SPX: variants seen among roughly 807,000 people sequenced by gnomAD.
The protein encoded by SPX is spexin.
Under a neutral mutation model 19.2 loss-of-function variants are expected in SPX, and 22 were observed. The ratio of observed to expected loss-of-function variants is 1.15; its 90% CI spans 0.82 to 1.64. The LOEUF is 1.64. Among genes scored for constraint, SPX ranks in the 40% most tolerant of loss-of-function variants. The pLI is 0.00. For synonymous variants in SPX, 50 were observed against 53.3 expected, an observed-to-expected ratio of 0.94 and a Z score of 0.27; for missense variants, 143 against 137.7, an observed-to-expected ratio of 1.04 and a Z score of -0.19.
intron 3 of SPX, 45 bp from the exon 4 acceptor site, chr12:21,527,682 G>T: frequency 6.5e-7 from 1 of 1,544,858 alleles, no homozygotes. Flanking sequence ...AGCCCGGGTT[G>T]TCCCGGGCCA....
chr12:21,527,222 A>G (rs978367900), intron 3 of SPX, 30 bp downstream of exon 3: 1 of 1,595,146 alleles, frequency 6.3e-7, no homozygotes. Context: ...CTCTTCCTAC[A>G]ATAATGGAAG....
At position 21,532,865 on chromosome 12, in the gene SPX, G is replaced by C. The variant is rs759590352; in HGVS notation, c.*1670G>C. The stretch of plus-strand genomic sequence containing the variant: ...AATGATCAATAGCTGTTAAAATATA[G>C]CTCCAAGTATTCTAAGTACTCAAAT... On this transcript the variant is annotated 3_prime_UTR_variant, in exon 6 of 6. Transcript: ENST00000256969. The C allele has an allele frequency of 2.0e-5, 3 of 152,156 alleles. No individual in the cohort carries two copies. The highest frequency in any genetic ancestry group is 2.9e-5 in the Non-Finnish European group (2 of 68,020). 9.4% of individuals were successfully genotyped at this position (152,156 alleles called of 1,614,324 possible). A position where few individuals can be genotyped will look rare whatever the true frequency, so the allele number is the denominator to read the frequency against.
At chr12:21,526,534 T>G in intron 1 of SPX, 56 bp downstream of exon 1, 1 of 1,501,978 alleles carries the variant, frequency 6.7e-7, no homozygotes, top group East Asian at 2.3e-5. Context: ...AAACGTTTTA[T>G]AGCATTTTAC....
rs140667463 is a variant in SPX, at chr12:21,527,173, G to A, written c.126G>A (p.Met42Ile). Reference sequence around the variant, plus strand: ...GAAGGAACTGGACTCCTCAAGCTATGCTCTACCTGAAAGGGGCACGTAAGT... The same window carrying A: ...GAAGGAACTGGACTCCTCAAGCTATACTCTACCTGAAAGGGGCACGTAAGT... ...LERRNWTPQA[M>I]LYLKGAQGRR... Residue 42 changes from methionine to isoleucine, a missense_variant, in exon 3 of 6, where the codon ATG (methionine) becomes ATA (isoleucine). Physicochemically the swap from Met to Ile is conservative, Grantham distance 10. Coordinates refer to ENST00000256969, the MANE Select transcript of SPX (RefSeq NM_030572.4). The A allele has an allele frequency of 3.7e-6, 6 of 1,613,832 alleles. No homozygotes were observed. Among genetic ancestry groups the A allele is most frequent in the African/African-American group, 1.3e-5 (1 of 74,888 alleles).
rs932737640 is a variant in SPX at position 21,531,859 on chromosome 12, A to G, written c.*664A>G. On this transcript the variant is annotated 3_prime_UTR_variant, in exon 6 of 6. Coordinates refer to ENST00000256969, the MANE Select transcript of SPX (RefSeq NM_030572.4). ...ATTACCTTGCATTCAGTTTAGAAACATGGATCTAAAAGTTACTGGGAAATA... is the reference window on the plus strand; with the variant it reads ...ATTACCTTGCATTCAGTTTAGAAACGTGGATCTAAAAGTTACTGGGAAATA... The G allele has an allele frequency of 9.9e-5, 15 of 152,212 alleles. No individual in the cohort carries two copies. Among genetic ancestry groups the G allele is most frequent in the Non-Finnish European group, 1.6e-4 (11 of 68,044 alleles). The allele number at this position is 152,212 out of a possible 1,614,324, so 9.4% of individuals were successfully genotyped here. A position where few individuals can be genotyped will look rare whatever the true frequency, so the allele number is the denominator to read the frequency against.
chr12:21,530,514 C>A (rs950116075), intron 5 of SPX, among the ~76,000 whole-genome samples: 1 of 152,162 alleles, frequency 6.6e-6, no homozygotes, highest in Non-Finnish European at 1.5e-5. Flanking sequence ...CACTGCTTCT[C>A]CCTACCGTAT....
rs1170966242 is a variant in SPX, at chr12:21,531,764, G to A, written c.*569G>A. 2 of 152,206 alleles carry A rather than the reference G, an allele frequency of 1.3e-5. No homozygotes were observed. Among genetic ancestry groups the A allele is most frequent in the African/African-American group, 4.8e-5 (2 of 41,458 alleles). 9.4% of individuals were successfully genotyped at this position (152,206 alleles called of 1,614,324 possible). A position where few individuals can be genotyped will look rare whatever the true frequency, so the allele number is the denominator to read the frequency against. ...GAACACTTCAGTGTGGTTGCTGAGA[G>A]GAGACAGTCATTGAGGTAGAAGGTT... On this transcript the variant is annotated 3_prime_UTR_variant, in exon 6 of 6. Coordinates refer to ENST00000256969, the MANE Select transcript of SPX (RefSeq NM_030572.4).
intron 5 of SPX, among the ~76,000 whole-genome samples, chr12:21,529,522 C>T (rs1047323086): frequency 6.6e-6 from 1 of 152,104 alleles, no homozygotes. Context: ...ACTGATCCCG[C>T]TCCTCTTGAA....
Position 21,526,414 on chromosome 12 carries a change from G to A in SPX, c.-59G>A, listed in dbSNP as rs2136819423. Reference sequence around the variant, plus strand: ...TTTAAAAGCTCCAATTTCAGAGCAAGAGTCGAAAACTCACAGATAAAGTTA... The same window carrying A: ...TTTAAAAGCTCCAATTTCAGAGCAAAAGTCGAAAACTCACAGATAAAGTTA... On this transcript the variant is annotated 5_prime_UTR_variant, in exon 1 of 6. Coordinates refer to ENST00000256969, the MANE Select transcript of SPX (RefSeq NM_030572.4). 6.5e-7 allele frequency: 1 copy of A among 1,532,714 alleles called. No homozygotes were observed. 94.9% of individuals were successfully genotyped at this position (1,532,714 alleles called of 1,614,324 possible). A position where few individuals can be genotyped will look rare whatever the true frequency, so the allele number is the denominator to read the frequency against.
chr12:21,532,072 T>G lies in SPX; in HGVS notation c.*877T>G, dbSNP rs1361334133. 1 of 152,232 alleles carries G rather than the reference T, an allele frequency of 6.6e-6. No homozygotes were observed. Among genetic ancestry groups the G allele is most frequent in the African/African-American group, 2.4e-5 (1 of 41,462 alleles). The allele number at this position is 152,232 out of a possible 1,614,324, so 9.4% of individuals were successfully genotyped here. A position where few individuals can be genotyped will look rare whatever the true frequency, so the allele number is the denominator to read the frequency against. ...ACATAAATCACTCTGATAACATAAGTGCACAGTAATATGCCTGATCTCTTC... is the reference window on the plus strand; with the variant it reads ...ACATAAATCACTCTGATAACATAAGGGCACAGTAATATGCCTGATCTCTTC... On this transcript the variant is annotated 3_prime_UTR_variant, in exon 6 of 6. Coordinates refer to ENST00000256969, the MANE Select transcript of SPX (RefSeq NM_030572.4).
Position 21,531,187 on chromosome 12 carries a change from A to G in SPX, c.343A>G (p.Asn115Asp). 1 of 1,591,916 alleles carries G rather than the reference A, an allele frequency of 6.3e-7. No homozygotes were observed. Among genetic ancestry groups the G allele is most frequent in the Non-Finnish European group, 8.6e-7 (1 of 1,166,640 alleles). ...QTRFLEDSLL[N>D]W ...CAGATTCCTGGAAGACAGTCTGCTT[A>G]ACTGGTGAAAATATACTGGATTATG... Residue 115 changes from asparagine (N) to aspartate (D), a missense_variant, in exon 6 of 6, where the codon AAC becomes GAC. Transcript: ENST00000256969.
Position 21,532,532 on chromosome 12 carries a change from C to T in SPX, c.*1337C>T, listed in dbSNP as rs908876908. ...AATATCTGTATGGCATTATAATAGG[C>T]ACCTGTCATTAATTATGATTTGATT... is the stretch of plus-strand genomic sequence containing the variant. On this transcript the variant is annotated 3_prime_UTR_variant, in exon 6 of 6. Coordinates refer to ENST00000256969, the MANE Select transcript of SPX (RefSeq NM_030572.4). The T allele has an allele frequency of 1.3e-5, 2 of 152,156 alleles. No homozygotes were observed. Among genetic ancestry groups the T allele is most frequent in the African/African-American group, 4.8e-5 (2 of 41,434 alleles). 9.4% of individuals were successfully genotyped at this position (152,156 alleles called of 1,614,324 possible). A position where few individuals can be genotyped will look rare whatever the true frequency, so the allele number is the denominator to read the frequency against.
At chr12:21,526,850 C>G (rs1321042203) in intron 1 of SPX, 36 bp from the exon 2 acceptor site, 1 of 1,591,050 alleles carries the variant, frequency 6.3e-7, no homozygotes, top group Non-Finnish European at 8.6e-7. Context: ...CCTATTGGCA[C>G]AGAAATGACC....
chr12:21,531,235 T>C lies in SPX; in HGVS notation c.*40T>C. ...ATGTTTAATTATGGTTCTATTCTCT[T>C]TGAAAACATGAACCATGTGAATAAA... On this transcript the variant is annotated 3_prime_UTR_variant, in exon 6 of 6. Coordinates refer to ENST00000256969, the MANE Select transcript of SPX (RefSeq NM_030572.4). 7.0e-7 allele frequency: 1 copy of C among 1,420,164 alleles called. No homozygotes were observed. The highest frequency in any genetic ancestry group is 1.3e-5 in the South Asian group (1 of 77,634). 88.0% of individuals were successfully genotyped at this position (1,420,164 alleles called of 1,614,324 possible).
At chr12:21,530,669 G>A (rs748760017) in intron 5 of SPX, among the ~76,000 whole-genome samples, 4 of 152,028 alleles carry the variant, frequency 2.6e-5, no homozygotes, top group Non-Finnish European at 5.9e-5. Flanking sequence ...TCTTCTTTTT[G>A]TCTCATTTCC....
intron 3 of SPX, 105 bp from the exon 4 acceptor site, chr12:21,527,622 C>A: frequency 8.6e-7 from 1 of 1,168,110 alleles, no homozygotes; most frequent in Non-Finnish European, 1.2e-6. Context: ...AGCAACCTGC[C>A]CCCTCCCCAC....
chr12:21,526,823 G>T lies in SPX; in HGVS notation c.7-63G>T. ...GGGTTTATAATTGTCCAGGCGTCAA[G>T]GAAGGAAGCAGAAGATCCTATTGGC... On this transcript the variant is annotated intron_variant, in intron 1 of 5. Transcript: ENST00000256969. 4 of 1,472,878 alleles carry T rather than the reference G, an allele frequency of 2.7e-6. No individual in the cohort carries two copies. The South Asian group carries it at 4.6e-5, about 17-fold the overall frequency. 91.2% of individuals were successfully genotyped at this position (1,472,878 alleles called of 1,614,324 possible).
At position 21,528,981 on chromosome 12, in the gene SPX, A is replaced by G. The variant is rs776173214; in HGVS notation, c.209-20A>G. ...ATATATAAATGCTAAGAGAATCTGTATACATTTTTGTTTCTGCAGAAAGAC... is the reference window on the plus strand; with the variant it reads ...ATATATAAATGCTAAGAGAATCTGTGTACATTTTTGTTTCTGCAGAAAGAC... On this transcript the variant is annotated intron_variant, in intron 4 of 5. Transcript: ENST00000256969. 5 of 1,589,944 alleles carry G rather than the reference A, an allele frequency of 3.1e-6. No individual in the cohort carries two copies. In the East Asian group the frequency reaches 8.9e-5, roughly 28 times the overall value.
At position 21,531,150 on chromosome 12, in the gene SPX, C is replaced by G. The variant is rs988751439; in HGVS notation, c.306C>G (p.Asn102Lys). 2 of 1,586,584 alleles carry G rather than the reference C, an allele frequency of 1.3e-6. No homozygotes were observed. Among genetic ancestry groups the G allele is most frequent in the African/African-American group, 1.4e-5 (1 of 73,392 alleles). ...TTTTTCTTACAGATGAAGAAAAAAA[C>G]TTTGATCAAACCAGATTCCTGGAAG... ...LQKSPEDEEK[N>K]FDQTRFLEDS... is the part of the protein sequence containing the mutation. Residue 102 changes from asparagine to lysine, a missense_variant, in exon 6 of 6, where the codon AAC becomes AAG. By Grantham distance (94) the Asn-to-Lys change is moderately conservative. Transcript: ENST00000256969.
Sources: gnomAD v4.1 joint callset for allele counts (sites outside exome capture counted in the v4.1 genomes callset) on GRCh38, gnomAD v4.1.1 for gene constraint, MANE v1.5 for transcripts, NCBI Gene and HGNC (gene_info 2026-07-23, HGNC 2026-07-21) for gene names.